The following RAB11FIP3 variants were observed in gnomAD, a reference collection of about 807,000 sequenced individuals.
RAB11FIP3 encodes the protein RAB11 family interacting protein 3.
A neutral mutation model predicts 77.8 loss-of-function variants in RAB11FIP3; 17 were observed. The observed-to-expected ratio is 0.22, with a 90% CI of 0.15 to 0.33. The LOEUF (loss-of-function observed/expected upper bound fraction) is 0.33. Ranked by LOEUF, RAB11FIP3 falls within the 10% of genes least tolerant of loss-of-function variation. The pLI is 1.00. For missense variants in RAB11FIP3, 1,005 were observed against 1,011.2 expected (o/e 0.99, Z 0.08); for synonymous variants, 437 against 448.2 (o/e 0.98, Z 0.31).
chr16:481,221 G>A (rs901853911), intron 3 of RAB11FIP3, among the ~76,000 whole-genome samples: 6 of 151,998 alleles, frequency 3.9e-5, no homozygotes, highest in African/African-American at 1.4e-4. Flanking sequence ...GGGCTCAAAT[G>A]GTCCTCCTGG....
intron 3 of RAB11FIP3, among the ~76,000 whole-genome samples, chr16:473,784 TTGG>T (rs1269460187): frequency 6.6e-6 from 1 of 152,202 alleles, no homozygotes; most frequent in Non-Finnish European, 1.5e-5. Flanking sequence ...GGGTTCACTC[TTGG>T]TGGTGTGTAT....
At chr16:477,151 G>C (rs2055930822) in intron 3 of RAB11FIP3, among the ~76,000 whole-genome samples, 1 of 151,836 alleles carries the variant, frequency 6.6e-6, no homozygotes, top group African/African-American at 2.4e-5. Context: ...CTACTTGGGA[G>C]GCTGAGGCAG....
intron 5 of RAB11FIP3, among the ~76,000 whole-genome samples, chr16:490,724 G>GT (rs1163337465): frequency 6.6e-6 from 1 of 152,230 alleles, no homozygotes; most frequent in Non-Finnish European, 1.5e-5. Context: ...ATATAGTACA[G>GT]TAAGTACAAG....
intron 5 of RAB11FIP3, 189 bp downstream of exon 5, chr16:489,189 C>G: frequency 1.4e-6 from 1 of 702,536 alleles, no homozygotes; most frequent in Non-Finnish European, 2.3e-6. Context: ...AGTCCCTCTT[C>G]TCCAGCCACA....
chr16:505,463 T>G lies in RAB11FIP3; in HGVS notation c.1396-61T>G, dbSNP rs1435483785. 1.1e-5 allele frequency: 15 copies of G among 1,390,232 alleles called. No individual in the cohort carries two copies. In the East Asian group the frequency reaches 1.9e-4, roughly 18 times the overall value. The allele number at this position is 1,390,232 out of a possible 1,614,324, so 86.1% of individuals were successfully genotyped here. A position where few individuals can be genotyped will look rare whatever the true frequency, so the allele number is the denominator to read the frequency against. ...CAGGCGGCCTCCCAGGTTGTTCCCT[T>G]GGGGGTGCAGGCCCTTCTGCTTCTG... On this transcript the variant is annotated intron_variant, in intron 7 of 13. Transcript: ENST00000262305. This position sits in a 1 kb window ranked among gnomAD's most constrained non-coding sequence, Gnocchi z 4.0.
At chr16:488,064 T>C (rs1415573551) in intron 4 of RAB11FIP3, among the ~76,000 whole-genome samples, 1 of 152,216 alleles carries the variant, frequency 6.6e-6, no homozygotes, top group Non-Finnish European at 1.5e-5. Context: ...GACTGCGTGT[T>C]GGGCTAAGTA....
At position 471,812 on chromosome 16, in the gene RAB11FIP3, C is replaced by T. The variant is rs1185574813; in HGVS notation, c.903+423C>T. ...TGCTCCCAGATGCAGCCAGGGTTGT[C>T]ATGGTGACGTGGCGTCTCCTGTGTC... On this transcript the variant is annotated intron_variant, in intron 3 of 13. Transcript: ENST00000262305. This position sits in a 1 kb window ranked among gnomAD's most constrained non-coding sequence, Gnocchi z 4.4. Among the ~76,000 whole-genome samples the T allele has an allele frequency of 2.6e-5, 4 of 152,192 alleles. No homozygotes were observed. Among genetic ancestry groups the T allele is most frequent in the Non-Finnish European group, 4.4e-5 (3 of 68,022 alleles).
rs2031807965 is a variant in RAB11FIP3 at position 505,207 on chromosome 16, C to T, written c.1396-317C>T. Among the ~76,000 whole-genome samples, 1 of 151,898 alleles carries T rather than the reference C, an allele frequency of 6.6e-6. No homozygotes were observed. Among genetic ancestry groups the T allele is most frequent in the Admixed American group, 6.6e-5 (1 of 15,256 alleles). ...GAGCTGCATCTGGCTGAGCAGAGAC[C>T]CAACTGTGTGTTGGGGGGCTGAGTC... On this transcript the variant is annotated intron_variant, in intron 7 of 13. Coordinates refer to ENST00000262305, the MANE Select transcript of RAB11FIP3 (RefSeq NM_014700.4). This position sits in a 1 kb window ranked among gnomAD's most constrained non-coding sequence, Gnocchi z 4.0.
chr16:498,990 C>A (rs2031329894), intron 6 of RAB11FIP3, among the ~76,000 whole-genome samples: 1 of 152,048 alleles, frequency 6.6e-6, no homozygotes, highest in African/African-American at 2.4e-5. Flanking sequence ...GTGGGTGGAT[C>A]ACCTGAGGTT....
In RAB11FIP3 at chr16:471,474, G is replaced by T; in HGVS notation, c.903+85G>T. 2.1e-5 allele frequency: 25 copies of T among 1,189,826 alleles called. No individual in the cohort carries two copies. The South Asian group carries it at 3.1e-4, about 15-fold the overall frequency. The allele number at this position is 1,189,826 out of a possible 1,614,324, so 73.7% of individuals were successfully genotyped here. ...CCTACAGCTCGTGCCTCCTGCCTCC[G>T]GGCTGTCTTCCGTAGAAGCTGGCGT... On this transcript the variant is annotated intron_variant, in intron 3 of 13. Transcript: ENST00000262305. This position sits in a 1 kb window ranked among gnomAD's most constrained non-coding sequence, Gnocchi z 4.4.
In RAB11FIP3 at chr16:484,570, C is replaced by T. The variant is rs373853468; in HGVS notation, c.1115+1834C>T. Among the ~76,000 whole-genome samples the T allele has an allele frequency of 5.8e-4, 89 of 152,322 alleles. 1 individual carries two copies. The South Asian group carries it at 6.4e-3, about 11-fold the overall frequency. On this transcript the variant is annotated intron_variant, in intron 4 of 13. Transcript: ENST00000262305. ...GTTTCACCATGTTGGTCAGGCTGGT[C>T]TCCAACCCCTGGCCTCAGGCGATCC...
At chr16:477,485 G>A (rs28678897) in intron 3 of RAB11FIP3, 23,246 of 296,518 alleles carry the variant, frequency 0.078, 998 homozygotes, top group East Asian at 0.2. Flanking sequence ...ATCCTGCCCC[G>A]TCATGCCTTC....
intron 5 of RAB11FIP3, among the ~76,000 whole-genome samples, chr16:489,732 C>T (rs903307304): frequency 1.4e-4 from 21 of 152,242 alleles, no homozygotes; most frequent in African/African-American, 4.1e-4. Flanking sequence ...GCTGCCCGCC[C>T]GCTGTTACTG....
rs2055832523 is a variant in RAB11FIP3, at chr16:472,810, G to A, written c.903+1421G>A. ...TGGATGTGGCCTTATTTGGAAAAAG[G>A]GTCTTTGCGGATGTAGTTCATTAAG... On this transcript the variant is annotated intron_variant, in intron 3 of 13. Transcript: ENST00000262305. The surrounding 1 kb of genome is among the most constrained non-coding windows in gnomAD (Gnocchi z 4.1). Among the ~76,000 whole-genome samples, 1 of 152,184 alleles carries A rather than the reference G, an allele frequency of 6.6e-6. No homozygotes were observed. The highest frequency in any genetic ancestry group is 1.5e-5 in the Non-Finnish European group (1 of 68,032).
intron 2 of RAB11FIP3, among the ~76,000 whole-genome samples, chr16:464,150 T>A (rs1596231234): frequency 6.6e-6 from 1 of 151,062 alleles, no homozygotes; most frequent in African/African-American, 2.4e-5. Flanking sequence ...ATGGGCAGAG[T>A]GGGTGGCCAC....
chr16:508,832 C>T (rs770225373), intron 8 of RAB11FIP3, among the ~76,000 whole-genome samples: 2 of 152,144 alleles, frequency 1.3e-5, no homozygotes, highest in Admixed American at 1.3e-4. Flanking sequence ...AAACTTTCCT[C>T]GTCTCTAATT....
chr16:518,328 G>T (rs545675568), intron 9 of RAB11FIP3, among the ~76,000 whole-genome samples: 1 of 152,186 alleles, frequency 6.6e-6, no homozygotes, highest in African/African-American at 2.4e-5. Flanking sequence ...CAATCCTCCC[G>T]CATTGGCCTC....
At chr16:497,253 C>T in intron 6 of RAB11FIP3, 6 of 1,304,996 alleles carry the variant, frequency 4.6e-6, no homozygotes, top group Non-Finnish European at 6.1e-6. Flanking sequence ...AGGGATGGGT[C>T]TGACTCCAAT....
At chr16:518,907 C>T (rs1193075127) in intron 9 of RAB11FIP3, 36 bp from the exon 10 acceptor site, 2 of 1,609,938 alleles carry the variant, frequency 1.2e-6, no homozygotes, top group African/African-American at 2.7e-5. Context: ...AGGCGAGCTT[C>T]CTGGAGTGAG....
Sources: allele counts gnomAD v4.1 joint callset (sites outside exome capture counted in the v4.1 genomes callset), GRCh38; gene constraint gnomAD v4.1.1; non-coding constraint Gnocchi (gnomAD v3.1); transcripts MANE v1.5; gene names NCBI Gene and HGNC (gene_info 2026-07-23, HGNC 2026-07-21).